Variants in NEK7 observed in about 807,000 individuals in gnomAD.
NEK7 encodes NIMA related kinase 7, also known as serine/threonine-protein kinase Nek7.
Under a neutral mutation model 44.6 loss-of-function variants are expected in NEK7, and 18 were observed. The ratio of observed to expected loss-of-function variants is 0.40; its 90% CI spans 0.28 to 0.60. The LOEUF (loss-of-function observed/expected upper bound fraction) is 0.60, where lower values mean the gene tolerates loss of function less well. Ranked by LOEUF, NEK7 falls within the 20% of genes least tolerant of loss-of-function variation. The pLI is 0.38. For synonymous variants in NEK7, 130 were observed against 121.1 expected (o/e 1.07, Z -0.48); for missense variants, 256 against 366.5 (o/e 0.70, Z 2.46).
At chr1:198,219,064 A>G (rs574353640) in intron 1 of NEK7, among the ~76,000 whole-genome samples, 8 of 152,006 alleles carry the variant, frequency 5.3e-5, no homozygotes, top group African/African-American at 1.9e-4. Flanking sequence ...ATGGGTGTCT[A>G]CCCAAAGAAA....
chr1:198,281,106 T>C (rs1223024281), intron 7 of NEK7, among the ~76,000 whole-genome samples: 3 of 151,988 alleles, frequency 2.0e-5, no homozygotes, highest in Non-Finnish European at 4.4e-5. Flanking sequence ...TAAGGCTCTT[T>C]GGACTCCATA....
intron 1 of NEK7, among the ~76,000 whole-genome samples, chr1:198,205,850 A>T (rs1220537129): frequency 6.6e-6 from 1 of 152,172 alleles, no homozygotes; most frequent in Admixed American, 6.5e-5. Flanking sequence ...CTTTAAAGTC[A>T]GTTTAAAAAA....
At position 198,157,135 on chromosome 1, in the gene NEK7, CG is replaced by C. The variant is rs965413809; in HGVS notation, c.-168del. 8.6e-5 allele frequency: 13 copies of C among 151,782 alleles called. No individual in the cohort carries two copies. The highest frequency in any genetic ancestry group is 1.8e-4 in the Non-Finnish European group (12 of 67,890). 9.4% of individuals were successfully genotyped at this position (151,782 alleles called of 1,614,324 possible). A position where few individuals can be genotyped will look rare whatever the true frequency, so the allele number is the denominator to read the frequency against. ...GCCTGCAGCGTCCGCCGGGGCGGCG[CG>C]GCGGGAGGTGGCCGACAGGCTCCGG... On this transcript the variant is annotated 5_prime_UTR_variant, in exon 1 of 10. Coordinates refer to ENST00000367385, the MANE Select transcript of NEK7 (RefSeq NM_133494.3).
At position 198,224,729 on chromosome 1, in the gene NEK7, C is replaced by T. The variant is rs192127645; in HGVS notation, c.-28-7824C>T. Among the ~76,000 whole-genome samples the T allele has an allele frequency of 4.2e-3, 642 of 151,564 alleles. 4 individuals carry two copies. The highest frequency in any genetic ancestry group is 8.2e-3 in the Admixed American group (124 of 15,202). On this transcript the variant is annotated intron_variant, in intron 1 of 9. Coordinates refer to ENST00000367385, the MANE Select transcript of NEK7 (RefSeq NM_133494.3). ...TTTTAAAATTTCTGAGTTTTAATTT[C>T]CAAAATGGAGATGGAGAATATATGT...
chr1:198,279,415 A>T (rs1453397551), intron 7 of NEK7, among the ~76,000 whole-genome samples: 1 of 151,982 alleles, frequency 6.6e-6, no homozygotes, highest in Non-Finnish European at 1.5e-5. Context: ...TTAAAAATAC[A>T]ATAGTAGTTT....
intron 1 of NEK7, among the ~76,000 whole-genome samples, chr1:198,184,478 T>C (rs534805550): frequency 1.6e-4 from 25 of 152,338 alleles, no homozygotes; most frequent in African/African-American, 6.0e-4. Context: ...TACATATTCA[T>C]ATAACTTTCA....
intron 6 of NEK7, among the ~76,000 whole-genome samples, chr1:198,278,351 C>G (rs1218997058): frequency 1.3e-5 from 2 of 151,270 alleles, no homozygotes; most frequent in Non-Finnish European, 3.0e-5. Flanking sequence ...TTTTTTGTTT[C>G]TTCAAATAAA....
chr1:198,278,915 G>A (rs760361057), intron 6 of NEK7, 39 bp from the exon 7 acceptor site: 1 of 1,078,930 alleles, frequency 9.3e-7, no homozygotes, highest in Non-Finnish European at 1.4e-6. Flanking sequence ...TTTCTAAAAT[G>A]TCTATCATCT....
At chr1:198,210,467 GACTTAT>G (rs1326019818) in intron 1 of NEK7, among the ~76,000 whole-genome samples, 2 of 151,976 alleles carry the variant, frequency 1.3e-5, no homozygotes, top group Non-Finnish European at 2.9e-5. Flanking sequence ...CATATTGTTA[GACTTAT>G]ACTTTGTTTC....
At chr1:198,223,239 G>C (rs1375887787) in intron 1 of NEK7, among the ~76,000 whole-genome samples, 1 of 152,192 alleles carries the variant, frequency 6.6e-6, no homozygotes, top group Non-Finnish European at 1.5e-5. Context: ...AGATCAATTA[G>C]TAGGCTATTA....
intron 2 of NEK7, among the ~76,000 whole-genome samples, chr1:198,237,844 A>G (rs915590627): frequency 6.6e-6 from 1 of 152,168 alleles, no homozygotes; most frequent in Non-Finnish European, 1.5e-5. Context: ...TGAAAATGGA[A>G]TCTTCCCACT....
intron 1 of NEK7, among the ~76,000 whole-genome samples, chr1:198,225,066 G>T (rs1213389230): frequency 6.6e-6 from 1 of 152,098 alleles, no homozygotes; most frequent in Non-Finnish European, 1.5e-5. Flanking sequence ...ATCCTGGCCA[G>T]ACATGGTGGC....
chr1:198,296,194 C>T (rs1168668687), intron 8 of NEK7, among the ~76,000 whole-genome samples: 1 of 152,194 alleles, frequency 6.6e-6, no homozygotes, highest in Non-Finnish European at 1.5e-5. Flanking sequence ...GGGGAATGTA[C>T]ACATTGTCCT....
At chr1:198,204,999 A>G (rs1437681718) in intron 1 of NEK7, among the ~76,000 whole-genome samples, 1 of 152,170 alleles carries the variant, frequency 6.6e-6, no homozygotes. Context: ...AAAATGCCCC[A>G]GGAATAGTCC....
rs141333619 is a variant in NEK7 at position 198,286,002 on chromosome 1, C to G, written c.589+6941C>G. Among the ~76,000 whole-genome samples, 368 of 152,204 alleles carry G rather than the reference C, an allele frequency of 2.4e-3. 1 individual carries two copies. The highest frequency in any genetic ancestry group is 3.8e-3 in the Non-Finnish European group (257 of 68,006). On this transcript the variant is annotated intron_variant, in intron 7 of 9. Transcript: ENST00000367385. ...GATTATCTTTAAATCCAGAAAGATT[C>G]ATGAGGTTCACTGGAGTATTGATCC...
Position 198,159,620 on chromosome 1 carries a change from CATTTT to C in NEK7, c.-29+2347_-29+2351del, listed in dbSNP as rs541570526. 6.2e-3 allele frequency among the ~76,000 whole-genome samples: 945 copies of C among 152,288 alleles called. 9 individuals carry two copies. Among genetic ancestry groups the C allele is most frequent in the African/African-American group, 0.022 (897 of 41,562 alleles). ...AACTTTATTTCTAAGCGTACAGACT[CATTTT>C]ATAGTCTGAACTAGTATTTAGGTTT... On this transcript the variant is annotated intron_variant, in intron 1 of 9. Coordinates refer to ENST00000367385, the MANE Select transcript of NEK7 (RefSeq NM_133494.3).
At chr1:198,290,965 A>G (rs1654534541) in intron 7 of NEK7, among the ~76,000 whole-genome samples, 1 of 152,160 alleles carries the variant, frequency 6.6e-6, no homozygotes. Flanking sequence ...TAGAATTCCT[A>G]ATCATTCTTT....
chr1:198,228,183 T>C (rs1023706370), intron 1 of NEK7, among the ~76,000 whole-genome samples: 21 of 152,220 alleles, frequency 1.4e-4, no homozygotes, highest in African/African-American at 4.6e-4. Context: ...GTTGTAGATA[T>C]GCAGCATTAT....
intron 1 of NEK7, among the ~76,000 whole-genome samples, chr1:198,166,213 T>C (rs1664262678): frequency 2.0e-5 from 3 of 152,256 alleles, no homozygotes. Flanking sequence ...GTATCACTTT[T>C]TTCTTTTGTC....
Sources: allele counts gnomAD v4.1 joint callset (sites outside exome capture counted in the v4.1 genomes callset), GRCh38; gene constraint gnomAD v4.1.1; transcripts MANE v1.5; gene names NCBI Gene and HGNC (gene_info 2026-07-23, HGNC 2026-07-21).